Variants in KAT6A observed in about 807,000 individuals in gnomAD.
The protein encoded by KAT6A is histone acetyltransferase KAT6A.
A neutral mutation model predicts 198.4 loss-of-function variants in KAT6A; 9 were observed. That is an observed-to-expected ratio of 0.05 (90% CI 0.03 to 0.08). The LOEUF (loss-of-function observed/expected upper bound fraction) is 0.08. Ranked by LOEUF, KAT6A falls within the 10% of genes least tolerant of loss-of-function variation. KAT6A has a pLI of 1.00. For synonymous variants in KAT6A, 890 were observed against 883.0 expected (o/e 1.01, Z -0.14); for missense variants, 2,077 against 2,509.9 (o/e 0.83, Z 3.69).
At chr8:42,021,452 T>A (rs1409207500) in intron 2 of KAT6A, among the ~76,000 whole-genome samples, 1 of 152,228 alleles carries the variant, frequency 6.6e-6, no homozygotes, top group Non-Finnish European at 1.5e-5. Context: ...GGTTGCTTTA[T>A]GAATTTTGTA....
intron 8 of KAT6A, among the ~76,000 whole-genome samples, chr8:41,968,219 T>G (rs570136861): frequency 1.1e-4 from 17 of 152,332 alleles, no homozygotes; most frequent in African/African-American, 4.1e-4. Context: ...TTTTGCAACC[T>G]ACTCTTCTGA....
At chr8:42,008,530 C>T (rs1333582796) in intron 2 of KAT6A, among the ~76,000 whole-genome samples, 8 of 152,072 alleles carry the variant, frequency 5.3e-5, no homozygotes, top group Middle Eastern at 3.4e-3. Flanking sequence ...TGAGTAGAGA[C>T]GGGGTTTCAC....
intron 16 of KAT6A, among the ~76,000 whole-genome samples, 154 bp downstream of exon 16, chr8:41,937,102 T>C (rs925423690): frequency 3.3e-5 from 5 of 152,250 alleles, no homozygotes; most frequent in South Asian, 2.1e-4. Flanking sequence ...AAGATGGATA[T>C]ACTTGATACA....
intron 9 of KAT6A, 87 bp from the exon 10 acceptor site, chr8:41,949,450 T>C: frequency 1.0e-6 from 1 of 1,002,038 alleles, no homozygotes; most frequent in Non-Finnish European, 1.3e-6. Context: ...TTGCCTCTCA[T>C]TACTACCCAG....
chr8:42,024,231 C>T (rs758652064), intron 2 of KAT6A, among the ~76,000 whole-genome samples: 1 of 152,172 alleles, frequency 6.6e-6, no homozygotes, highest in Non-Finnish European at 1.5e-5. Flanking sequence ...AATATCACCA[C>T]AAACATGCTG....
intron 9 of KAT6A, among the ~76,000 whole-genome samples, chr8:41,951,867 C>T (rs79716132): frequency 0.015 from 2,273 of 152,210 alleles, 57 homozygotes; most frequent in African/African-American, 0.051. Context: ...GATTATGGTA[C>T]AAGTCAAGTG....
intron 2 of KAT6A, among the ~76,000 whole-genome samples, chr8:42,001,238 TAAGA>T (rs1011226844): frequency 3.9e-5 from 6 of 152,112 alleles, no homozygotes; most frequent in East Asian, 1.9e-4. Flanking sequence ...AGAGAATTAT[TAAGA>T]AAGGGGAAAA....
Position 41,932,078 on chromosome 8 carries a change from A to G in KAT6A, c.*127T>C, listed in dbSNP as rs1328078203. 6 of 949,722 alleles carry G rather than the reference A, an allele frequency of 6.3e-6. No homozygotes were observed. Among genetic ancestry groups the G allele is most frequent in the Non-Finnish European group, 8.4e-6 (6 of 716,498 alleles). The allele number at this position is 949,722 out of a possible 1,614,324, so 58.8% of individuals were successfully genotyped here. On this transcript the variant is annotated 3_prime_UTR_variant, in exon 17 of 17. Coordinates refer to ENST00000265713, the MANE Select transcript of KAT6A (RefSeq NM_006766.5). ...GTTTTCTAAAAAATAAAATAAACCA[A>G]AGAAAAATTCCTCTAAATCTACAGC...
chr8:42,021,829 G>C (rs534395256), intron 2 of KAT6A, among the ~76,000 whole-genome samples: 192 of 152,324 alleles, frequency 1.3e-3, no homozygotes, highest in African/African-American at 4.4e-3. Context: ...TCTGCAGATT[G>C]AAGTACAAGA....
intron 10 of KAT6A, 93 bp from the exon 11 acceptor site, chr8:41,948,005 G>C: frequency 9.8e-7 from 1 of 1,022,152 alleles, no homozygotes; most frequent in Non-Finnish European, 1.4e-6. Context: ...GATATCCACA[G>C]TCCAGACTAG....
chr8:42,012,689 CT>C (rs1826079697), intron 2 of KAT6A, among the ~76,000 whole-genome samples: 1 of 152,206 alleles, frequency 6.6e-6, no homozygotes, highest in African/African-American at 2.4e-5. Context: ...TGTTTTAAAG[CT>C]ATCCAGTTTC....
intron 2 of KAT6A, among the ~76,000 whole-genome samples, chr8:41,993,221 C>A (rs1252053984): frequency 2.0e-5 from 3 of 152,204 alleles, no homozygotes; most frequent in Non-Finnish European, 4.4e-5. Context: ...TTCAGACCAA[C>A]TGGCTGTGTT....
chr8:42,018,667 A>C (rs1826380806), intron 2 of KAT6A, among the ~76,000 whole-genome samples: 1 of 152,240 alleles, frequency 6.6e-6, no homozygotes, highest in African/African-American at 2.4e-5. Flanking sequence ...TCATGCCTGT[A>C]ATCCCAACAC....
At chr8:42,012,893 A>T (rs1369004601) in intron 2 of KAT6A, among the ~76,000 whole-genome samples, 1 of 152,214 alleles carries the variant, frequency 6.6e-6, no homozygotes, top group East Asian at 1.9e-4. Flanking sequence ...AAAGGAACAA[A>T]CTATTGACAA....
At chr8:42,009,743 T>C (rs984018465) in intron 2 of KAT6A, among the ~76,000 whole-genome samples, 6 of 149,758 alleles carry the variant, frequency 4.0e-5, no homozygotes, top group Non-Finnish European at 8.9e-5. Context: ...TACAAAAAAT[T>C]TTAAGTATTA....
At chr8:42,050,317 G>A (rs1344467799) in intron 1 of KAT6A, among the ~76,000 whole-genome samples, 2 of 152,200 alleles carry the variant, frequency 1.3e-5, no homozygotes, top group Non-Finnish European at 2.9e-5. Flanking sequence ...ATGCAATCTT[G>A]TTTAATCACT....
Position 41,941,003 on chromosome 8 carries a change from A to G in KAT6A, c.2878T>C (p.Cys960Arg), listed in dbSNP as rs760574764. 3 of 1,614,084 alleles carry G rather than the reference A, an allele frequency of 1.9e-6. No individual in the cohort carries two copies. The African/African-American group carries it at 4.0e-5, about 22-fold the overall frequency. The change falls in exon 15 of 17, where the codon TGC becomes CGC. Residue 960 changes from cysteine (C) to arginine (R), a missense_variant. Cys to Arg is a radical substitution (Grantham distance 180, BLOSUM62 -3). Transcript: ENST00000265713. ...CTCTCACTTCCTTCTGTTAATCTGC[A>G]CTTCAGAGCCTCAGGGCTTTTCTTG... Reference protein sequence around the residue: ...QLKKSPEALKCRLTEGSERLP... With the variant: ...QLKKSPEALKRRLTEGSERLP...
intron 8 of KAT6A, among the ~76,000 whole-genome samples, chr8:41,971,417 A>T (rs1375066451): frequency 6.6e-6 from 1 of 152,118 alleles, no homozygotes. Context: ...CAGTGAACCT[A>T]CTAAATCATC....
Position 42,049,111 on chromosome 8 carries a change from C to A in KAT6A, c.-134G>T. ...AGCATATGAGTTTTCTGGCCTAAGT[C>A]CTTCCTCCTTTCACAAAACAGAATG... On this transcript the variant is annotated 5_prime_UTR_variant, in exon 2 of 17. Coordinates refer to ENST00000265713, the MANE Select transcript of KAT6A (RefSeq NM_006766.5). 1 of 884,946 alleles carries A rather than the reference C, an allele frequency of 1.1e-6. No individual in the cohort carries two copies. The highest frequency in any genetic ancestry group is 1.7e-5 in the South Asian group (1 of 58,032). 54.8% of individuals were successfully genotyped at this position (884,946 alleles called of 1,614,324 possible).
Sources: allele counts gnomAD v4.1 joint callset (sites outside exome capture counted in the v4.1 genomes callset), GRCh38; gene constraint gnomAD v4.1.1; transcripts MANE v1.5; gene names NCBI Gene and HGNC (gene_info 2026-07-23, HGNC 2026-07-21).